The following RBFOX3 variants were observed in gnomAD, a reference collection of about 807,000 sequenced individuals.
RBFOX3 encodes RNA binding fox-1 homolog 3.
A neutral mutation model predicts 48.7 loss-of-function variants in RBFOX3; 17 were observed. The observed-to-expected ratio is 0.35, with a 90% CI of 0.24 to 0.52. The LOEUF (loss-of-function observed/expected upper bound fraction) is 0.52. Ranked by LOEUF, RBFOX3 falls within the 20% of genes least tolerant of loss-of-function variation. The probability of loss-of-function intolerance (pLI) is 0.94; values close to 1 mark genes in which losing one functional copy is unlikely to be tolerated. For missense variants in RBFOX3, 382 were observed against 497.5 expected (o/e 0.77, Z 2.21); for synonymous variants, 212 against 209.5 (o/e 1.01, Z -0.10).
chr17:79,580,549 C>T (rs899726743), intron 1 of RBFOX3, among the ~76,000 whole-genome samples: 5 of 152,212 alleles, frequency 3.3e-5, no homozygotes, highest in East Asian at 1.9e-4. Context: ...GGCTGAGAGA[C>T]GACTTCAGTG....
intron 4 of RBFOX3, among the ~76,000 whole-genome samples, chr17:79,164,256 T>C (rs190155682): frequency 1.2e-3 from 176 of 152,324 alleles, no homozygotes; most frequent in Middle Eastern, 3.4e-3. Context: ...AAAGTGCAGC[T>C]GCTCTTCAGG....
chr17:79,476,334 C>T (rs1266826862), intron 2 of RBFOX3, among the ~76,000 whole-genome samples: 3 of 152,222 alleles, frequency 2.0e-5, no homozygotes, highest in Non-Finnish European at 4.4e-5. Context: ...TCACAGAGCT[C>T]TAAAGTCACC....
intron 4 of RBFOX3, among the ~76,000 whole-genome samples, chr17:79,206,546 AGCGGAT>A (rs56208991): frequency 0.29 from 43,311 of 151,794 alleles, 6,190 homozygotes; most frequent in Admixed American, 0.37. Flanking sequence ...AGTGGGCGGG[AGCGGAT>A]GCCTCCTGTG....
At position 79,290,464 on chromosome 17, in the gene RBFOX3, C is replaced by T. The variant is rs917459757; in HGVS notation, c.-74+17260G>A. ...GTGTCATGGGCTTCCCATGAGGACCCGAAAGCACAGCCTATGTGTGGCTCT... is the reference window on the plus strand; with the variant it reads ...GTGTCATGGGCTTCCCATGAGGACCTGAAAGCACAGCCTATGTGTGGCTCT... On this transcript the variant is annotated intron_variant, in intron 3 of 14. Transcript: ENST00000693108. Among the ~76,000 whole-genome samples, 12 of 151,988 alleles carry T rather than the reference C, an allele frequency of 7.9e-5. No individual in the cohort carries two copies. The East Asian group carries it at 1.8e-3, about 22-fold the overall frequency.
chr17:79,368,540 G>T (rs989360466), intron 2 of RBFOX3, among the ~76,000 whole-genome samples: 1 of 152,238 alleles, frequency 6.6e-6, no homozygotes, highest in Admixed American at 6.5e-5. Context: ...CTTGGTCTCA[G>T]TTCCTCTGCA....
chr17:79,372,733 A>G (rs2058726794), intron 2 of RBFOX3, among the ~76,000 whole-genome samples: 1 of 146,762 alleles, frequency 6.8e-6, no homozygotes. Flanking sequence ...ATGCTCCAGA[A>G]AAAGGGGAGT....
At chr17:79,472,416 T>C (rs938283) in intron 2 of RBFOX3, among the ~76,000 whole-genome samples, 24,003 of 152,158 alleles carry the variant, frequency 0.16, 1,992 homozygotes, top group Middle Eastern at 0.23. Flanking sequence ...GATGTGACCG[T>C]ATTTGGAGAT....
chr17:79,328,034 C>T (rs567940532), intron 2 of RBFOX3, among the ~76,000 whole-genome samples: 2 of 152,326 alleles, frequency 1.3e-5, no homozygotes, highest in Admixed American at 6.5e-5. Flanking sequence ...GATGACAAAA[C>T]CTGACCTTGC....
In RBFOX3 at chr17:79,572,722, GTGCGTGTTTCCCA is replaced by G. The variant is rs2092721196; in HGVS notation, c.-320+38091_-320+38103del. ...TTATGGCCTACAGCGGTTTGCAAAC[GTGCGTGTTTCCCA>G]AGGCTCATTGTCTCACAGCAAAGAC... On this transcript the variant is annotated intron_variant, in intron 1 of 14. Transcript: ENST00000693108. Among the ~76,000 whole-genome samples, 4 of 152,294 alleles carry G rather than the reference GTGCGTGTTTCCCA, an allele frequency of 2.6e-5. No individual in the cohort carries two copies. The South Asian group carries it at 6.2e-4, about 24-fold the overall frequency.
chr17:79,608,674 G>C (rs2093894787), intron 1 of RBFOX3, among the ~76,000 whole-genome samples: 1 of 152,104 alleles, frequency 6.6e-6, no homozygotes, highest in Non-Finnish European at 1.5e-5. Flanking sequence ...TGGTCCCCAC[G>C]TCACCCGCTC....
chr17:79,122,636 G>A (rs999753256), intron 4 of RBFOX3, among the ~76,000 whole-genome samples: 18 of 152,246 alleles, frequency 1.2e-4, no homozygotes, highest in African/African-American at 4.3e-4. Context: ...CCACTACGGA[G>A]AACAGTTTGG....
chr17:79,234,957 C>G (rs937400525), intron 4 of RBFOX3: 3 of 152,002 alleles, frequency 2.0e-5, no homozygotes, highest in African/African-American at 7.3e-5. Flanking sequence ...GTCTTGAACT[C>G]CTGACCTCAG....
intron 2 of RBFOX3, among the ~76,000 whole-genome samples, chr17:79,441,453 G>A (rs1271669637): frequency 6.6e-6 from 1 of 152,214 alleles, no homozygotes; most frequent in African/African-American, 2.4e-5. Flanking sequence ...GAGACACAGA[G>A]GCACACCCAG....
intron 2 of RBFOX3, among the ~76,000 whole-genome samples, chr17:79,409,903 G>C (rs1327053085): frequency 1.3e-5 from 2 of 152,228 alleles, no homozygotes; most frequent in Non-Finnish European, 2.9e-5. Flanking sequence ...CCTGTTGATG[G>C]GGTCAAGTGG....
At chr17:79,444,938 C>T (rs1048401347) in intron 2 of RBFOX3, among the ~76,000 whole-genome samples, 4 of 152,090 alleles carry the variant, frequency 2.6e-5, no homozygotes, top group African/African-American at 7.2e-5. Flanking sequence ...AGTCACTGCC[C>T]ATCCCCAACC....
chr17:79,583,758 C>A (rs1209258848), intron 1 of RBFOX3, among the ~76,000 whole-genome samples: 2 of 152,200 alleles, frequency 1.3e-5, no homozygotes, highest in Non-Finnish European at 2.9e-5. Context: ...AGATGCTCTG[C>A]CCATGCTCCC....
chr17:79,122,709 TCCC>T (rs2036085180), intron 4 of RBFOX3, among the ~76,000 whole-genome samples: 4 of 151,670 alleles, frequency 2.6e-5, no homozygotes, highest in East Asian at 1.9e-4. Flanking sequence ...CTGAGTATGT[TCCC>T]AAAAGAAAGG....
chr17:79,403,139 C>A (rs544375214), intron 2 of RBFOX3, among the ~76,000 whole-genome samples: 13 of 152,164 alleles, frequency 8.5e-5, no homozygotes, highest in Non-Finnish European at 1.9e-4. Flanking sequence ...CTCCCTCCCC[C>A]TCGCTGGGGC....
intron 2 of RBFOX3, among the ~76,000 whole-genome samples, chr17:79,387,175 T>C (rs978333086): frequency 1.3e-5 from 2 of 152,208 alleles, no homozygotes; most frequent in Non-Finnish European, 2.9e-5. Context: ...GCATGGGGTC[T>C]GGCCACACTC....
Sources: allele counts gnomAD v4.1 joint callset (sites outside exome capture counted in the v4.1 genomes callset), GRCh38; gene constraint gnomAD v4.1.1; transcripts MANE v1.5; gene names NCBI Gene and HGNC (gene_info 2026-07-23, HGNC 2026-07-21).